Variants in ZC3H6 observed in about 807,000 individuals in gnomAD.
ZC3H6 encodes zinc finger CCCH domain-containing protein 6.
ZC3H6 carries 40 observed loss-of-function variants against 107.7 expected under a neutral mutation model. That is an observed-to-expected ratio of 0.37 (90% confidence interval 0.29 to 0.48). The LOEUF (loss-of-function observed/expected upper bound fraction) is 0.48, where lower values mean the gene tolerates loss of function less well. Among genes scored for constraint, ZC3H6 ranks in the 20% least tolerant of loss-of-function variants. The pLI, the probability that ZC3H6 is intolerant of heterozygous loss-of-function variation, is 0.98. For synonymous variants in ZC3H6, 493 were observed against 487.9 expected (o/e 1.01, Z -0.14); for missense variants, 1,267 against 1,410.4 (o/e 0.90, Z 1.63).
At chr2:112,304,578 A>T (rs1676441340) in intron 3 of ZC3H6, among the ~76,000 whole-genome samples, 1 of 152,198 alleles carries the variant, frequency 6.6e-6, no homozygotes, top group Non-Finnish European at 1.5e-5. Context: ...TAGGGACATC[A>T]GTCAAACTGG....
At chr2:112,296,723 T>A (rs1366542285) in intron 1 of ZC3H6, among the ~76,000 whole-genome samples, 1 of 152,208 alleles carries the variant, frequency 6.6e-6, no homozygotes, top group Non-Finnish European at 1.5e-5. Flanking sequence ...TCTTCTATGA[T>A]GCAAGAGTTA....
At chr2:112,330,733 CCCA>C (rs1677011449) in intron 11 of ZC3H6, among the ~76,000 whole-genome samples, 1 of 152,110 alleles carries the variant, frequency 6.6e-6, no homozygotes, top group Non-Finnish European at 1.5e-5. Context: ...CTAGTATCAC[CCCA>C]CTTCCTTAAT....
rs558548599 is a variant in ZC3H6 at position 112,300,969 on chromosome 2, G to A, written c.213+940G>A. Among the ~76,000 whole-genome samples the A allele has an allele frequency of 1.6e-3, 238 of 152,266 alleles. 1 individual carries two copies. The highest frequency in any genetic ancestry group is 2.1e-3 in the Admixed American group (32 of 15,294). ...CCCATTGACAACATCTACAAAAAAA[G>A]GAAGAAACAAGTTATCTCTAATAAA... On this transcript the variant is annotated intron_variant, in intron 2 of 11. Transcript: ENST00000409871.
At position 112,324,711 on chromosome 2, in the gene ZC3H6, C is replaced by T. The variant is rs73954831; in HGVS notation, c.1852+48C>T. On this transcript the variant is annotated intron_variant, in intron 10 of 11. Transcript: ENST00000409871. ...ATTTATTCCTAATTTAAAATACAGT[C>T]CTATTTTTCATTAAAAGCATGACAG... 923 of 1,443,328 alleles carry T rather than the reference C, an allele frequency of 6.4e-4. 4 individuals are homozygous for T. In the African/African-American group the frequency reaches 0.012, roughly 19 times the overall value. The allele number at this position is 1,443,328 out of a possible 1,614,324, so 89.4% of individuals were successfully genotyped here.
At chr2:112,300,888 A>C (rs1261549093) in intron 2 of ZC3H6, among the ~76,000 whole-genome samples, 2 of 152,202 alleles carry the variant, frequency 1.3e-5, no homozygotes, top group Non-Finnish European at 2.9e-5. Flanking sequence ...GCAGGTTTTG[A>C]AACTCCCTGA....
intron 9 of ZC3H6, 109 bp downstream of exon 9, chr2:112,323,011 A>G: frequency 5.0e-6 from 6 of 1,207,906 alleles, no homozygotes; most frequent in Non-Finnish European, 4.6e-6. Context: ...GGTTAGAGAT[A>G]GCACATATCT....
At chr2:112,290,623 A>G (rs1299590791) in intron 1 of ZC3H6, among the ~76,000 whole-genome samples, 1 of 151,346 alleles carries the variant, frequency 6.6e-6, no homozygotes, top group African/African-American at 2.4e-5. Flanking sequence ...GAACATGGTG[A>G]ATAAATACGT....
At position 112,331,357 on chromosome 2, in the gene ZC3H6, C is replaced by T; in HGVS notation, c.2439C>T (p.Gly813=). The T allele has an allele frequency of 6.2e-7, 1 of 1,613,714 alleles. No homozygotes were observed. Among genetic ancestry groups the T allele is most frequent in the Non-Finnish European group, 8.5e-7 (1 of 1,179,874 alleles). ...AKFDLHHANA[G]TNVKHKRGDD... ...TTGATTTGCATCATGCAAATGCTGG[C>T]ACTAATGTCAAACACAAAAGAGGCG... is the stretch of plus-strand genomic sequence containing the variant. The change falls in exon 12 of 12, where the codon GGC becomes GGT. Residue 813 remains glycine (G), a synonymous_variant. Transcript: ENST00000409871.
chr2:112,318,814 AG>A (rs1676748493), intron 7 of ZC3H6, among the ~76,000 whole-genome samples: 1 of 152,204 alleles, frequency 6.6e-6, no homozygotes, highest in Non-Finnish European at 1.5e-5. Flanking sequence ...TGAGGTGAAA[AG>A]TTAATTAGGA....
chr2:112,321,016 C>T (rs1279705872), intron 7 of ZC3H6, among the ~76,000 whole-genome samples: 1 of 151,998 alleles, frequency 6.6e-6, no homozygotes, highest in Non-Finnish European at 1.5e-5. Context: ...TTGCCTTTTG[C>T]ATCTGCCAAA....
chr2:112,298,615 A>C (rs1384602882), intron 1 of ZC3H6, among the ~76,000 whole-genome samples: 1 of 151,718 alleles, frequency 6.6e-6, no homozygotes, highest in Non-Finnish European at 1.5e-5. Flanking sequence ...TCATGCTTAA[A>C]AATGCTTATT....
intron 9 of ZC3H6, among the ~76,000 whole-genome samples, chr2:112,323,557 A>C (rs1343850436): frequency 6.6e-6 from 1 of 152,238 alleles, no homozygotes; most frequent in African/African-American, 2.4e-5. Flanking sequence ...ATCCTGGTCA[A>C]TGAAATAAGA....
chr2:112,331,212 G>A lies in ZC3H6; in HGVS notation c.2294G>A (p.Arg765Lys), dbSNP rs753030961. ...GACCCTAGGCTTAGGACTATCCCAA[G>A]GCAAGACATTAGAAAGCCTTCTGAG... is the stretch of plus-strand genomic sequence containing the variant. ...VVDPRLRTIP[R>K]QDIRKPSESA... is the part of the protein sequence containing the mutation. Residue 765 changes from arginine (R) to lysine (K), a missense_variant, in exon 12 of 12, where the codon AGG becomes AAG. Coordinates refer to ENST00000409871, the MANE Select transcript of ZC3H6 (RefSeq NM_198581.3). 2 of 1,613,310 alleles carry A rather than the reference G, an allele frequency of 1.2e-6. No individual in the cohort carries two copies. The highest frequency in any genetic ancestry group is 1.1e-5 in the South Asian group (1 of 90,892).
At chr2:112,304,036 T>C (rs1676431778) in intron 3 of ZC3H6, among the ~76,000 whole-genome samples, 1 of 152,222 alleles carries the variant, frequency 6.6e-6, no homozygotes, top group African/African-American at 2.4e-5. Flanking sequence ...ATTATTTACA[T>C]TACAATAATG....
intron 5 of ZC3H6, among the ~76,000 whole-genome samples, chr2:112,312,581 G>A (rs542176781): frequency 6.6e-6 from 1 of 152,242 alleles, no homozygotes; most frequent in African/African-American, 2.4e-5. Context: ...CTGGAGCTTT[G>A]GCTGGGCACA....
At chr2:112,288,374 T>C (rs1328713602) in intron 1 of ZC3H6, among the ~76,000 whole-genome samples, 1 of 152,236 alleles carries the variant, frequency 6.6e-6, no homozygotes, top group African/African-American at 2.4e-5. Flanking sequence ...CAGATATGTA[T>C]AGTTCAGTTA....
In ZC3H6 at chr2:112,331,929, G is replaced by T; in HGVS notation, c.3011G>T (p.Gly1004Val). The change falls in exon 12 of 12, where the codon GGT becomes GTT. Residue 1004 changes from glycine to valine, a missense_variant. Around this residue, in one of 3 missense-constraint regions of ZC3H6, gnomAD observed 925 missense variants for 1,025.7 expected, o/e 0.90. Coordinates refer to ENST00000409871, the MANE Select transcript of ZC3H6 (RefSeq NM_198581.3). Reference sequence around the variant, plus strand: ...CCTCACTTACCCAGATCAAACCCTGGTTCATCACAGCCCTCAGGGGCAGGA... The same window carrying T: ...CCTCACTTACCCAGATCAAACCCTGTTTCATCACAGCCCTCAGGGGCAGGA... ...GAPHLPRSNP[G>V]SSQPSGAGTS... 7.4e-6 allele frequency: 12 copies of T among 1,613,972 alleles called. No homozygotes were observed. Among genetic ancestry groups the T allele is most frequent in the Non-Finnish European group, 1.0e-5 (12 of 1,179,892 alleles).
Position 112,321,781 on chromosome 2 carries a change from T to C in ZC3H6, c.1002T>C (p.His334=). The C allele has an allele frequency of 6.5e-7, 1 of 1,542,658 alleles. No individual in the cohort carries two copies. Among genetic ancestry groups the C allele is most frequent in the Non-Finnish European group, 8.7e-7 (1 of 1,143,028 alleles). The stretch of plus-strand genomic sequence containing the variant: ...ATGAATTTCCATGCAAGTTCTATCA[T>C]AGTGGAGCAAAATGTTACCAGGGAG... The part of the protein sequence containing the change: ...MHNEFPCKFY[H]SGAKCYQGDN... Residue 334 remains histidine (H), a synonymous_variant, in exon 8 of 12, where the codon CAT becomes CAC. Transcript: ENST00000409871.
chr2:112,318,020 C>T (rs1343255722), intron 7 of ZC3H6, among the ~76,000 whole-genome samples: 2 of 152,120 alleles, frequency 1.3e-5, no homozygotes, highest in Admixed American at 1.3e-4. Context: ...TTTGTTCACC[C>T]TCATGTCTGT....
Sources: allele counts gnomAD v4.1 joint callset (sites outside exome capture counted in the v4.1 genomes callset), GRCh38; gene constraint gnomAD v4.1.1; regional missense constraint gnomAD v4.1.1; transcripts MANE v1.5; gene names NCBI Gene and HGNC (gene_info 2026-07-23, HGNC 2026-07-21).